The following PACSIN2 variants were observed in gnomAD, a reference collection of about 807,000 sequenced individuals.
PACSIN2 encodes the protein protein kinase C and casein kinase substrate in neurons protein 2.
Under a neutral mutation model 63.8 loss-of-function variants are expected in PACSIN2, and 25 were observed. The ratio of observed to expected loss-of-function variants is 0.39; its 90% confidence interval spans 0.29 to 0.55. PACSIN2 has a LOEUF of 0.55. PACSIN2 is among the 20% of genes least tolerant of loss of function. PACSIN2 has a pLI of 0.62. For missense variants in PACSIN2, 518 were observed against 646.9 expected, an observed-to-expected ratio of 0.80 and a Z score of 2.16; for synonymous variants, 255 against 256.2, an observed-to-expected ratio of 1.00 and a Z score of 0.05.
chr22:42,965,072 C>T (rs1407781984), intron 1 of PACSIN2, among the ~76,000 whole-genome samples: 6 of 152,178 alleles, frequency 3.9e-5, no homozygotes, highest in Non-Finnish European at 5.9e-5. Context: ...TGTGTGGCAT[C>T]GGCGCACAGC....
At chr22:43,000,543 G>C (rs1923702851) in intron 1 of PACSIN2, among the ~76,000 whole-genome samples, 1 of 152,166 alleles carries the variant, frequency 6.6e-6, no homozygotes, top group East Asian at 1.9e-4. Context: ...TCGTGAACCT[G>C]CAAGTTCCTA....
In PACSIN2 at chr22:42,901,663, G is replaced by C. The variant is rs866253510; in HGVS notation, c.61-8050C>G. ...TTCTTCCCAGCCAGCTGTGCTCTCC[G>C]CCTGCCACGGCGATCGCCTGACAAG... On this transcript the variant is annotated intron_variant, in intron 2 of 10. Transcript: ENST00000263246. Among the ~76,000 whole-genome samples the C allele has an allele frequency of 2.7e-3, 407 of 151,968 alleles. 1 individual carries two copies. Among genetic ancestry groups the C allele is most frequent in the African/African-American group, 9.3e-3 (384 of 41,254 alleles).
chr22:42,990,521 G>C (rs777764814), intron 1 of PACSIN2, among the ~76,000 whole-genome samples: 2 of 152,188 alleles, frequency 1.3e-5, no homozygotes, highest in Non-Finnish European at 2.9e-5. Flanking sequence ...CCACTCTGCA[G>C]GCCCAGGGGC....
At chr22:42,920,001 A>C (rs908416474) in intron 1 of PACSIN2, among the ~76,000 whole-genome samples, 1 of 151,116 alleles carries the variant, frequency 6.6e-6, no homozygotes, top group Admixed American at 6.6e-5. Context: ...CCAGCTACTC[A>C]AGAAGCTGAG....
intron 1 of PACSIN2, among the ~76,000 whole-genome samples, chr22:42,936,049 T>TAA (rs752064608): frequency 6.6e-6 from 1 of 151,332 alleles, no homozygotes. Flanking sequence ...CCGTCTCTAC[T>TAA]AAAAAAAATA....
chr22:42,951,145 G>A (rs886895910), intron 1 of PACSIN2, among the ~76,000 whole-genome samples: 2 of 152,108 alleles, frequency 1.3e-5, no homozygotes, highest in African/African-American at 4.8e-5. Context: ...AATTCAAAAG[G>A]AAGATAAGGC....
chr22:42,875,290 G>A (rs1355269465), intron 10 of PACSIN2, among the ~76,000 whole-genome samples: 1 of 151,962 alleles, frequency 6.6e-6, no homozygotes, highest in Non-Finnish European at 1.5e-5. Context: ...CTATAGGTAT[G>A]CAACACCACG....
intron 2 of PACSIN2, among the ~76,000 whole-genome samples, chr22:42,899,721 C>G (rs1281266832): frequency 6.6e-6 from 1 of 152,286 alleles, no homozygotes; most frequent in East Asian, 1.9e-4. Flanking sequence ...TCCCTTTGGT[C>G]CCAGGACAGG....
chr22:42,898,339 T>C (rs1930436800), intron 2 of PACSIN2, among the ~76,000 whole-genome samples: 2 of 151,772 alleles, frequency 1.3e-5, no homozygotes, highest in Admixed American at 6.6e-5. Context: ...TGGTGCGATC[T>C]CGGCTCACCA....
intron 1 of PACSIN2, among the ~76,000 whole-genome samples, chr22:42,938,448 C>T (rs1449424070): frequency 1.3e-5 from 2 of 152,216 alleles, no homozygotes; most frequent in Non-Finnish European, 2.9e-5. Context: ...TTCTCCCTTT[C>T]CCATGACCTT....
At position 42,891,204 on chromosome 22, in the gene PACSIN2, C is replaced by A. The variant is rs373791665; in HGVS notation, c.218-22G>T. 4.5e-6 allele frequency: 7 copies of A among 1,561,882 alleles called. No homozygotes were observed. In the African/African-American group the frequency reaches 9.5e-5, roughly 21 times the overall value. On this transcript the variant is annotated intron_variant, in intron 3 of 10. Transcript: ENST00000263246. ...GGCCCTGTGCAGGGGAGAGAAGCTGCGGGTCACTCAGCGCCGGCCATGGTG... is the reference window on the plus strand; with the variant it reads ...GGCCCTGTGCAGGGGAGAGAAGCTGAGGGTCACTCAGCGCCGGCCATGGTG...
At chr22:42,993,279 C>CAG (rs1923172922) in intron 1 of PACSIN2, among the ~76,000 whole-genome samples, 1 of 152,000 alleles carries the variant, frequency 6.6e-6, no homozygotes, top group Non-Finnish European at 1.5e-5. Flanking sequence ...AAGAGTAGAG[C>CAG]AGTGGTGGCC....
At chr22:42,974,929 C>T (rs1401659045) in intron 1 of PACSIN2, among the ~76,000 whole-genome samples, 2 of 152,038 alleles carry the variant, frequency 1.3e-5, no homozygotes, top group African/African-American at 4.8e-5. Flanking sequence ...TGATGCAAGG[C>T]AGCCAGCTGG....
chr22:42,969,376 C>T (rs1921071131), intron 1 of PACSIN2, among the ~76,000 whole-genome samples: 1 of 152,126 alleles, frequency 6.6e-6, no homozygotes. Flanking sequence ...TGATGGCACA[C>T]CAGTGATTTT....
At chr22:43,004,394 G>A (rs551293480) in intron 1 of PACSIN2, among the ~76,000 whole-genome samples, 1 of 152,328 alleles carries the variant, frequency 6.6e-6, no homozygotes, top group East Asian at 1.9e-4. Flanking sequence ...GGTGGCACAT[G>A]CCCAGTCTCC....
At chr22:43,003,698 G>C (rs891991086) in intron 1 of PACSIN2, among the ~76,000 whole-genome samples, 1 of 152,162 alleles carries the variant, frequency 6.6e-6, no homozygotes, top group Admixed American at 6.5e-5. Context: ...AAGACCTTTC[G>C]CAATTTTACA....
At chr22:42,890,025 CAG>C (rs1602190272) in intron 4 of PACSIN2, among the ~76,000 whole-genome samples, 1 of 136,122 alleles carries the variant, frequency 7.3e-6, no homozygotes, top group Non-Finnish European at 1.6e-5. Flanking sequence ...TTTTTTGAGA[CAG>C]AGTCTCCCTC....
intron 1 of PACSIN2, among the ~76,000 whole-genome samples, chr22:42,935,756 T>C (rs1453871010): frequency 1.3e-5 from 2 of 151,652 alleles, no homozygotes; most frequent in Non-Finnish European, 2.9e-5. Flanking sequence ...GGAACACAGG[T>C]GGCCCCACAA....
chr22:42,934,333 G>A (rs1932846046), intron 1 of PACSIN2, among the ~76,000 whole-genome samples: 1 of 152,242 alleles, frequency 6.6e-6, no homozygotes, highest in South Asian at 2.1e-4. Flanking sequence ...GGAAACGCAA[G>A]ACCTTCAAGG....
Sources: gnomAD v4.1 joint callset for allele counts (sites outside exome capture counted in the v4.1 genomes callset) on GRCh38, gnomAD v4.1.1 for gene constraint, MANE v1.5 for transcripts, NCBI Gene and HGNC (gene_info 2026-07-23, HGNC 2026-07-21) for gene names.